DRP2: variants seen among roughly 807,000 people sequenced by gnomAD.
The protein encoded by DRP2 is dystrophin related protein 2, also known as dystrophin-related protein 2.
DRP2 carries 29 observed loss-of-function variants against 78.2 expected under a neutral mutation model. The observed-to-expected ratio is 0.37, with a 90% CI of 0.28 to 0.51. DRP2 has a LOEUF of 0.51. DRP2 is among the 20% of genes least tolerant of loss of function. DRP2 has a pLI of 0.94. For missense variants in DRP2, 686 were observed against 770.6 expected, an observed-to-expected ratio of 0.89 and a Z score of 1.30; for synonymous variants, 290 against 281.9, an observed-to-expected ratio of 1.03 and a Z score of -0.29.
chrX:101,248,645 G>T (rs769304703), intron 14 of DRP2, 46 bp downstream of exon 14: 1 of 1,097,439 alleles, frequency 9.1e-7, no homozygotes, highest in Non-Finnish European at 1.3e-6. Context: ...TAGAGGGAAA[G>T]GTGTTGCAGG....
At chrX:101,245,204 A>T in intron 10 of DRP2, 127 bp downstream of exon 10, 3 of 829,738 alleles carry the variant, frequency 3.6e-6, no homozygotes, top group Non-Finnish European at 1.7e-6. Context: ...TTTTTCTCCT[A>T]CTCATCTCAA....
intron 22 of DRP2, 56 bp downstream of exon 22, chrX:101,258,602 T>C (rs1923438403): frequency 1.7e-5 from 18 of 1,049,771 alleles, no homozygotes; most frequent in Non-Finnish European, 2.2e-5. Context: ...GGGGAAGGGC[T>C]GGGGAGCTGA....
chrX:101,257,901 C>A (rs756873904), intron 21 of DRP2, among the ~76,000 whole-genome samples: 39 of 111,073 alleles, frequency 3.5e-4, no homozygotes, highest in Non-Finnish European at 7.5e-5. Flanking sequence ...GACAGGTGGT[C>A]TCTTGTTTAT....
At chrX:101,239,359 C>T (rs534714804) in intron 6 of DRP2, among the ~76,000 whole-genome samples, 2 of 111,467 alleles carry the variant, frequency 1.8e-5, no homozygotes, top group Middle Eastern at 4.6e-3. Flanking sequence ...GCATGTGTGG[C>T]CATTTAATGA....
chrX:101,238,843 C>A, intron 5 of DRP2, 138 bp from the exon 6 acceptor site: 1 of 759,179 alleles, frequency 1.3e-6, no homozygotes, highest in Non-Finnish European at 1.9e-6. Flanking sequence ...GCCTTTTTGT[C>A]TAGGTAGTTC....
chrX:101,242,782 G>T (rs1922779174), intron 8 of DRP2, 122 bp from the exon 9 acceptor site: 1 of 695,674 alleles, frequency 1.4e-6, no homozygotes, highest in Admixed American at 2.7e-5. Flanking sequence ...GACGGTGGGA[G>T]AGGCTGGAAC....
At chrX:101,225,157 C>T (rs1033983201) in intron 2 of DRP2, among the ~76,000 whole-genome samples, 1 of 88,115 alleles carries the variant, frequency 1.1e-5, no homozygotes, top group Admixed American at 1.1e-4. Flanking sequence ...GATTTGCCAG[C>T]CTGGTGCTGC....
rs1922609097 is a variant in DRP2, at chrX:101,238,964, A to C, written c.439-17A>C. On this transcript the variant is annotated splice_polypyrimidine_tract_variant and intron_variant, in intron 5 of 23. Transcript: ENST00000395209. ...AAAACTTTCCTTTCCTGTTGACCAT[A>C]TTGCTAAACTTTATAGGCCTTTATG... 1 of 1,202,384 alleles carries C rather than the reference A, an allele frequency of 8.3e-7. No homozygotes were observed. Among genetic ancestry groups the C allele is most frequent in the Non-Finnish European group, 1.1e-6 (1 of 891,911 alleles).
At position 101,263,332 on chromosome X, in the gene DRP2, C is replaced by T. The variant is rs1274995718; in HGVS notation, c.*2711C>T. On this transcript the variant is annotated 3_prime_UTR_variant, in exon 24 of 24. Coordinates refer to ENST00000395209, the MANE Select transcript of DRP2 (RefSeq NM_001939.3). ...GTGCATGGCACTGTGTAGTTTATAG[C>T]CCTACACTGGAAGGATGGTGAAGGG... 2 of 112,185 alleles carry T rather than the reference C, an allele frequency of 1.8e-5. No individual in the cohort carries two copies. Among genetic ancestry groups the T allele is most frequent in the African/African-American group, 6.5e-5 (2 of 30,811 alleles). The allele number at this position is 112,185 out of a possible 1,213,427, so 9.2% of individuals were successfully genotyped here. A position where few individuals can be genotyped will look rare whatever the true frequency, so the allele number is the denominator to read the frequency against.
intron 1 of DRP2, among the ~76,000 whole-genome samples, chrX:101,223,741 C>T: frequency 8.9e-6 from 1 of 112,244 alleles, no homozygotes; most frequent in East Asian, 2.8e-4. Flanking sequence ...TTTTATTTCT[C>T]AAAATTGCTT....
rs775365963 is a variant in DRP2 at position 101,260,061 on chromosome X, T to A, written c.2641T>A (p.Ser881Thr). Residue 881 changes from serine (S) to threonine (T), a missense_variant, in exon 23 of 24, where the codon TCA becomes ACA. Physicochemically the swap from Ser to Thr is moderately conservative, Grantham distance 58 (BLOSUM62 1). This residue lies in a region of DRP2 where 423 missense variants were observed against 531.5 expected (regional missense o/e 0.80). Transcript: ENST00000395209. ...TACCTCTTGCTAGCCACCCACCGAA[T>A]CAGATGGCAGTGGCTCTGCAGGCTC... The part of the protein sequence containing the change: ...RELLLQPPTE[S>T]DGSGSAGSSL... 8.3e-7 allele frequency: 1 copy of A among 1,209,458 alleles called. No individual in the cohort carries two copies. The highest frequency in any genetic ancestry group is 1.8e-5 in the South Asian group (1 of 56,725).
intron 22 of DRP2, among the ~76,000 whole-genome samples, chrX:101,259,361 T>C (rs889931354): frequency 6.3e-5 from 7 of 111,635 alleles, no homozygotes; most frequent in Admixed American, 4.8e-4. Flanking sequence ...GTTTCTAACA[T>C]ATGCTATGTC....
Position 101,245,469 on chromosome X carries a change from G to A in DRP2, c.1177+20G>A, listed in dbSNP as rs374646189. 25 of 1,171,662 alleles carry A rather than the reference G, an allele frequency of 2.1e-5. No homozygotes were observed. In the African/African-American group the frequency reaches 2.2e-4, roughly 10 times the overall value. Reference sequence around the variant, plus strand: ...CCCTAGGTAAGAATGTGGGCTTCCTGTATAGGGTGGGCATATACACAGCTG... The same window carrying A: ...CCCTAGGTAAGAATGTGGGCTTCCTATATAGGGTGGGCATATACACAGCTG... On this transcript the variant is annotated intron_variant, in intron 11 of 23. Transcript: ENST00000395209.
chrX:101,249,594 ATT>A (rs1248809931), intron 14 of DRP2, among the ~76,000 whole-genome samples: 1 of 111,362 alleles, frequency 9.0e-6, no homozygotes, highest in African/African-American at 3.3e-5. Context: ...TCCATTTCTA[ATT>A]TTAAAAAGTA....
At position 101,245,182 on chromosome X, in the gene DRP2, C is replaced by T. The variant is rs762766612; in HGVS notation, c.1115+105C>T. On this transcript the variant is annotated intron_variant, in intron 10 of 23. Transcript: ENST00000395209. ...GTCACTCTGTCTGTTGGGATTCCTC[C>T]ATCCAGTTCGGTTTTTCTCCTACTC... 13 of 914,408 alleles carry T rather than the reference C, an allele frequency of 1.4e-5. No homozygotes were observed. In the Admixed American group the frequency reaches 1.8e-4, roughly 12 times the overall value. The allele number at this position is 914,408 out of a possible 1,213,427, so 75.4% of individuals were successfully genotyped here. A position where few individuals can be genotyped will look rare whatever the true frequency, so the allele number is the denominator to read the frequency against.
At chrX:101,251,974 C>T (rs1047662193) in intron 16 of DRP2, among the ~76,000 whole-genome samples, 19 of 111,856 alleles carry the variant, frequency 1.7e-4, no homozygotes, top group African/African-American at 6.2e-4. Context: ...GTAAGATGAG[C>T]AAATGAGGCA....
chrX:101,259,660 G>A (rs1371765817), intron 22 of DRP2, among the ~76,000 whole-genome samples: 3 of 111,099 alleles, frequency 2.7e-5, no homozygotes, highest in African/African-American at 9.8e-5. Context: ...CACCATGCCC[G>A]GCTAATTTTG....
intron 7 of DRP2, 71 bp downstream of exon 7, chrX:101,242,007 T>G: frequency 9.3e-7 from 1 of 1,080,656 alleles, no homozygotes; most frequent in East Asian, 3.3e-5. Flanking sequence ...CTGACAATGT[T>G]TCTGCTGCTG....
intron 3 of DRP2, among the ~76,000 whole-genome samples, chrX:101,234,514 A>T (rs946123531): frequency 1.8e-5 from 2 of 111,973 alleles, no homozygotes; most frequent in Admixed American, 9.3e-5. Context: ...AAACAGGGTG[A>T]CCCCTGCCTC....
Sources: gnomAD v4.1 joint callset for allele counts (sites outside exome capture counted in the v4.1 genomes callset) on GRCh38, gnomAD v4.1.1 for gene constraint, gnomAD v4.1.1 regional missense constraint, MANE v1.5 for transcripts, NCBI Gene and HGNC (gene_info 2026-07-23, HGNC 2026-07-21) for gene names.